NFYC: variants seen among roughly 807,000 people sequenced by gnomAD.
NFYC encodes nuclear transcription factor Y subunit gamma, also known as CAAT box DNA-binding protein subunit C.
A neutral mutation model predicts 53.1 loss-of-function variants in NFYC; 25 were observed. The ratio of observed to expected loss-of-function variants is 0.47; its 90% CI spans 0.34 to 0.66. NFYC has a LOEUF of 0.66. Among genes scored for constraint, NFYC ranks in the 30% least tolerant of loss-of-function variants. The pLI is 0.01. For synonymous variants in NFYC, 145 were observed against 152.6 expected (o/e 0.95, Z 0.37); for missense variants, 260 against 422.7 (o/e 0.62, Z 3.38).
At chr1:40,704,584 G>A (rs1337102561) in intron 1 of NFYC, among the ~76,000 whole-genome samples, 1 of 152,208 alleles carries the variant, frequency 6.6e-6, no homozygotes, top group African/African-American at 2.4e-5. Context: ...TCTTCCCACT[G>A]TGGCTTGAAT....
chr1:40,710,701 G>A (rs1401969862), intron 1 of NFYC, among the ~76,000 whole-genome samples: 1 of 152,152 alleles, frequency 6.6e-6, no homozygotes, highest in African/African-American at 2.4e-5. Context: ...CGAGGGTGTC[G>A]ATTTGCCTTC....
intron 1 of NFYC, among the ~76,000 whole-genome samples, chr1:40,737,908 T>C (rs1362135567): frequency 6.7e-6 from 1 of 149,350 alleles, no homozygotes; most frequent in Non-Finnish European, 1.5e-5. Context: ...TCTCTTTTTT[T>C]TTTTTTTTTT....
Position 40,770,220 on chromosome 1 carries a change from G to C in NFYC, c.889-489G>C, listed in dbSNP as rs1005119307. 20 of 661,116 alleles carry C rather than the reference G, an allele frequency of 3.0e-5. No homozygotes were observed. The highest frequency in any genetic ancestry group is 4.2e-4 in the Middle Eastern group (1 of 2,404). 41.0% of individuals were successfully genotyped at this position (661,116 alleles called of 1,614,324 possible). A position where few individuals can be genotyped will look rare whatever the true frequency, so the allele number is the denominator to read the frequency against. ...TAATACCAGGCCACCTCCTTAGCAG[G>C]GTCCATGGAGAAAATTCAAATTCAG... is the stretch of plus-strand genomic sequence containing the variant. On this transcript the variant is annotated intron_variant, in intron 9 of 9. Transcript: ENST00000447388. This position sits in a 1 kb window ranked among gnomAD's most constrained non-coding sequence, Gnocchi z 5.3.
chr1:40,703,051 A>T (rs1035817242), intron 1 of NFYC, among the ~76,000 whole-genome samples: 10 of 151,398 alleles, frequency 6.6e-5, no homozygotes, highest in African/African-American at 2.4e-4. Context: ...TCCTGACCTC[A>T]GGTGATCCAC....
At chr1:40,721,313 C>G (rs1644318804) in intron 1 of NFYC, among the ~76,000 whole-genome samples, 1 of 152,118 alleles carries the variant, frequency 6.6e-6, no homozygotes, top group Non-Finnish European at 1.5e-5. Flanking sequence ...TCCAACTTTC[C>G]AGAACATGTT....
intron 2 of NFYC, 44 bp downstream of exon 2, chr1:40,738,992 A>G (rs1331074739): frequency 4.3e-6 from 6 of 1,387,406 alleles, no homozygotes; most frequent in Non-Finnish European, 6.1e-6. Context: ...TTTAAAGAGT[A>G]TAAAGAGCTC....
intron 1 of NFYC, among the ~76,000 whole-genome samples, chr1:40,724,238 G>C (rs563802151): frequency 3.9e-5 from 6 of 152,258 alleles, no homozygotes; most frequent in Non-Finnish European, 8.8e-5. Flanking sequence ...TGTGATGGCG[G>C]GTGCCTATAA....
intron 1 of NFYC, chr1:40,692,080 G>C (rs1169912224): frequency 5.0e-6 from 1 of 200,484 alleles, no homozygotes; most frequent in Non-Finnish European, 1.1e-5. Context: ...TCGTCGGCCC[G>C]GCCCGCGGGC....
At chr1:40,731,056 C>G (rs1470441706) in intron 1 of NFYC, among the ~76,000 whole-genome samples, 1 of 152,126 alleles carries the variant, frequency 6.6e-6, no homozygotes, top group African/African-American at 2.4e-5. Context: ...ATTGTCTCAG[C>G]CTGAGTGAGA....
intron 2 of NFYC, among the ~76,000 whole-genome samples, chr1:40,739,811 G>C (rs1299569745): frequency 6.6e-6 from 1 of 152,148 alleles, no homozygotes; most frequent in Admixed American, 6.5e-5. Context: ...TTTAAGTAAA[G>C]GGAACATTTT....
At chr1:40,749,420 A>C (rs755879794) in intron 3 of NFYC, among the ~76,000 whole-genome samples, 153 bp from the exon 4 acceptor site, 6 of 151,942 alleles carry the variant, frequency 3.9e-5, no homozygotes, top group Non-Finnish European at 7.4e-5. Context: ...CTTTGTTCCC[A>C]CTCATGGATT....
intron 1 of NFYC, among the ~76,000 whole-genome samples, chr1:40,706,673 A>G (rs1254889843): frequency 1.3e-5 from 2 of 152,146 alleles, no homozygotes; most frequent in Non-Finnish European, 2.9e-5. Context: ...AATAATGAAA[A>G]GAAAAGAAAA....
intron 2 of NFYC, among the ~76,000 whole-genome samples, chr1:40,745,039 CAAAG>C (rs1263953024): frequency 2.0e-5 from 3 of 152,088 alleles, no homozygotes; most frequent in Non-Finnish European, 4.4e-5. Flanking sequence ...TAGTTTGTCA[CAAAG>C]AAAAGCTTTG....
chr1:40,763,336 C>T (rs1317285398), intron 7 of NFYC: 2 of 464,006 alleles, frequency 4.3e-6, no homozygotes, highest in African/African-American at 4.0e-5. Flanking sequence ...ATATCACACG[C>T]ATGCATAATC....
chr1:40,765,924 G>A (rs772099083), intron 7 of NFYC, among the ~76,000 whole-genome samples: 6 of 152,208 alleles, frequency 3.9e-5, no homozygotes, highest in Non-Finnish European at 7.3e-5. Context: ...CTCTAAGGGC[G>A]CTTTCGTAGC....
intron 1 of NFYC, among the ~76,000 whole-genome samples, chr1:40,720,105 T>C (rs1489253332): frequency 3.3e-5 from 5 of 152,232 alleles, no homozygotes; most frequent in African/African-American, 1.2e-4. Flanking sequence ...TATGGTTTGG[T>C]TGGCTTGGAA....
chr1:40,765,125 T>A (rs1646748752), intron 7 of NFYC, among the ~76,000 whole-genome samples: 1 of 152,160 alleles, frequency 6.6e-6, no homozygotes, highest in East Asian at 1.9e-4. Flanking sequence ...CCAGCTGCCT[T>A]CCTCCCCACA....
chr1:40,754,534 T>C, intron 5 of NFYC: 1 of 434,648 alleles, frequency 2.3e-6, no homozygotes, highest in Non-Finnish European at 4.8e-6. Context: ...CCTTCCCTCC[T>C]CTCTCAGAAG....
chr1:40,758,147 T>G lies in NFYC; in HGVS notation c.414T>G (p.Pro138=), dbSNP rs1401179597. The part of the protein sequence containing the change: ...RQEEVRQSVT[P]AEPVQYYFTL... The stretch of plus-strand genomic sequence containing the variant: ...AGGAGGTGCGCCAGTCTGTAACTCC[T>G]GCCGAGCCAGTCCAGTACTATTTCA... Residue 138 remains proline, a synonymous_variant, in exon 6 of 10, where the codon CCT becomes CCG. Coordinates refer to ENST00000447388, the MANE Select transcript of NFYC (RefSeq NM_014223.5). 6.2e-7 allele frequency: 1 copy of G among 1,611,892 alleles called. No individual in the cohort carries two copies. Among genetic ancestry groups the G allele is most frequent in the East Asian group, 2.2e-5 (1 of 44,880 alleles).
Sources: gnomAD v4.1 joint callset for allele counts (sites outside exome capture counted in the v4.1 genomes callset) on GRCh38, gnomAD v4.1.1 for gene constraint, Gnocchi (gnomAD v3.1) non-coding constraint, MANE v1.5 for transcripts, NCBI Gene and HGNC (gene_info 2026-07-23, HGNC 2026-07-21) for gene names.